WWC1: variants seen among roughly 807,000 people sequenced by gnomAD.
WWC1 encodes the protein WW and C2 domain containing 1, also known as protein KIBRA.
WWC1 carries 55 observed loss-of-function variants against 138.4 expected under a neutral mutation model. The ratio of observed to expected loss-of-function variants is 0.40; its 90% CI spans 0.32 to 0.50. The LOEUF (loss-of-function observed/expected upper bound fraction) is 0.50. WWC1 is among the 20% of genes least tolerant of loss of function. The pLI, the probability that WWC1 is intolerant of heterozygous loss-of-function variation, is 0.72. For missense variants in WWC1, 1,226 were observed against 1,420.4 expected, an observed-to-expected ratio of 0.86 and a Z score of 2.20; for synonymous variants, 524 against 564.9, an observed-to-expected ratio of 0.93 and a Z score of 1.03.
chr5:168,346,143 C>T (rs959346174), intron 1 of WWC1, among the ~76,000 whole-genome samples: 23 of 152,116 alleles, frequency 1.5e-4, no homozygotes, highest in Non-Finnish European at 2.2e-4. Flanking sequence ...TGAAGCCCAC[C>T]GAGATTAATC....
At chr5:168,304,828 C>CT (rs71310061) in intron 1 of WWC1, among the ~76,000 whole-genome samples, 1,540 of 141,638 alleles carry the variant, frequency 0.011, 7 homozygotes, top group South Asian at 0.033. Flanking sequence ...AGCTTATGAA[C>CT]TTTTTTTTTT....
At chr5:168,316,273 G>C (rs1448310362) in intron 1 of WWC1, among the ~76,000 whole-genome samples, 1 of 152,224 alleles carries the variant, frequency 6.6e-6, no homozygotes. Flanking sequence ...CATCGCATCA[G>C]TGAAGGGAGA....
intron 1 of WWC1, among the ~76,000 whole-genome samples, chr5:168,339,874 TCC>T (rs1214569606): frequency 2.1e-5 from 3 of 145,604 alleles, no homozygotes; most frequent in East Asian, 3.9e-4. Flanking sequence ...TCTCTCTCTC[TCC>T]CTCTCTCCCT....
At chr5:168,368,167 C>G (rs1776471066) in intron 1 of WWC1, among the ~76,000 whole-genome samples, 1 of 147,072 alleles carries the variant, frequency 6.8e-6, no homozygotes, top group South Asian at 2.1e-4. Context: ...CTCGGCTCAT[C>G]GCAACCTCCA....
chr5:168,303,028 C>G (rs1164258113), intron 1 of WWC1, among the ~76,000 whole-genome samples: 1 of 152,162 alleles, frequency 6.6e-6, no homozygotes, highest in African/African-American at 2.4e-5. Flanking sequence ...TGACCCAACT[C>G]ATACCAACCA....
At chr5:168,301,459 A>G (rs1770066385) in intron 1 of WWC1, among the ~76,000 whole-genome samples, 2 of 152,230 alleles carry the variant, frequency 1.3e-5, no homozygotes, top group South Asian at 2.1e-4. Context: ...AACATGGTGA[A>G]ACACCATCTC....
At chr5:168,346,500 G>A (rs72828880) in intron 1 of WWC1, among the ~76,000 whole-genome samples, 1,998 of 152,158 alleles carry the variant, frequency 0.013, 25 homozygotes, top group South Asian at 0.02. Context: ...GGCATCTGGG[G>A]AACAGGTAGA....
At chr5:168,306,755 C>T (rs1770596307) in intron 1 of WWC1, among the ~76,000 whole-genome samples, 1 of 152,158 alleles carries the variant, frequency 6.6e-6, no homozygotes, top group African/African-American at 2.4e-5. Flanking sequence ...CACCACCACA[C>T]CCAGCTAATT....
intron 1 of WWC1, among the ~76,000 whole-genome samples, chr5:168,368,998 T>C (rs1334883620): frequency 6.6e-6 from 1 of 152,150 alleles, no homozygotes; most frequent in Non-Finnish European, 1.5e-5. Flanking sequence ...AATGGTAGTT[T>C]GTGTTTTCCC....
rs560359161 is a variant in WWC1, at chr5:168,432,233, A to G, written c.2280+789A>G. Among the ~76,000 whole-genome samples the G allele has an allele frequency of 8.5e-5, 13 of 152,246 alleles. 1 individual carries two copies. The South Asian group carries it at 2.7e-3, about 32-fold the overall frequency. On this transcript the variant is annotated intron_variant, in intron 15 of 22. Transcript: ENST00000265293. Reference sequence around the variant, plus strand: ...CATCATGCCCACTGGAAGAATCTTTATAAGGATTGAGATAGCACCCGTAAA... The same window carrying G: ...CATCATGCCCACTGGAAGAATCTTTGTAAGGATTGAGATAGCACCCGTAAA...
At chr5:168,325,000 A>G (rs1772413163) in intron 1 of WWC1, among the ~76,000 whole-genome samples, 1 of 152,234 alleles carries the variant, frequency 6.6e-6, no homozygotes, top group African/African-American at 2.4e-5. Flanking sequence ...GACTGGATCC[A>G]GTAGAGCAAG....
At chr5:168,339,919 CTCTCTT>C (rs1289295292) in intron 1 of WWC1, among the ~76,000 whole-genome samples, 16 of 133,734 alleles carry the variant, frequency 1.2e-4, no homozygotes, top group African/African-American at 3.6e-4. Context: ...CTCTCTCTCT[CTCTCTT>C]TCTCTCTTTC....
chr5:168,431,457 TCTGGCTGGCTGGCTGG>T lies in WWC1; in HGVS notation c.2280+45_2280+60del, dbSNP rs11279828. On this transcript the variant is annotated intron_variant, in intron 15 of 22. Transcript: ENST00000265293. ...GGAAGAGTGCCTGGTAAGGGCCGTG[TCTGGCTGGCTGGCTGG>T]CTGGCTGGCTGGCTGGCTGGCTGGC... 455 of 1,414,482 alleles carry T rather than the reference TCTGGCTGGCTGGCTGG, an allele frequency of 3.2e-4. No homozygotes were observed. Among genetic ancestry groups the T allele is most frequent in the Admixed American group, 8.1e-4 (38 of 47,192 alleles). The allele number at this position is 1,414,482 out of a possible 1,614,324, so 87.6% of individuals were successfully genotyped here.
At chr5:168,427,548 A>ATTTTTTTTTTTTTTTTTTTT in intron 11 of WWC1, among the ~76,000 whole-genome samples, 1 of 101,150 alleles carries the variant, frequency 9.9e-6, no homozygotes, top group Non-Finnish European at 1.9e-5. Flanking sequence ...CTTTTTTTTA[A>ATTTTTTTTTTTTTTTTTTTT]TTTTTTTTTT....
At chr5:168,411,855 C>G (rs1241100971) in intron 8 of WWC1, 1 of 453,374 alleles carries the variant, frequency 2.2e-6, no homozygotes, top group African/African-American at 2.1e-5. Flanking sequence ...GTTTCCAGTG[C>G]TGGGAAAAGT....
intron 1 of WWC1, among the ~76,000 whole-genome samples, chr5:168,333,170 G>T (rs886887393): frequency 3.3e-5 from 5 of 152,198 alleles, no homozygotes; most frequent in African/African-American, 9.7e-5. Context: ...ATCTGTAGGG[G>T]ACCAAGGACT....
At chr5:168,341,965 A>G (rs547143981) in intron 1 of WWC1, among the ~76,000 whole-genome samples, 33 of 152,298 alleles carry the variant, frequency 2.2e-4, no homozygotes, top group African/African-American at 6.7e-4. Flanking sequence ...CCCTTCCCCT[A>G]GCCAGTGGAC....
intron 3 of WWC1, among the ~76,000 whole-genome samples, chr5:168,392,362 G>A (rs1019849690): frequency 2.0e-5 from 3 of 152,126 alleles, no homozygotes; most frequent in Non-Finnish European, 1.5e-5. Flanking sequence ...CACTGACATT[G>A]AGGATTCCTG....
At chr5:168,426,543 C>T (rs1582257603) in intron 11 of WWC1, among the ~76,000 whole-genome samples, 1 of 152,340 alleles carries the variant, frequency 6.6e-6, no homozygotes, top group Non-Finnish European at 1.5e-5. Flanking sequence ...AGCTTAGACG[C>T]TAAGCAGGTT....
Sources: gnomAD v4.1 joint callset for allele counts (sites outside exome capture counted in the v4.1 genomes callset) on GRCh38, gnomAD v4.1.1 for gene constraint, MANE v1.5 for transcripts, NCBI Gene and HGNC (gene_info 2026-07-23, HGNC 2026-07-21) for gene names.